The following LTBP1 variants were observed in gnomAD, a reference collection of about 807,000 sequenced individuals.
The protein encoded by LTBP1 is latent-transforming growth factor beta-binding protein 1.
Under a neutral mutation model 207.6 loss-of-function variants are expected in LTBP1, and 129 were observed. The ratio of observed to expected loss-of-function variants is 0.62; its 90% CI spans 0.54 to 0.72. The LOEUF (loss-of-function observed/expected upper bound fraction) is 0.72. LTBP1 is among the 30% of genes least tolerant of loss of function. LTBP1 has a pLI of 0.00. For missense variants in LTBP1, 2,281 were observed against 2,217.2 expected, an observed-to-expected ratio of 1.03 and a Z score of -0.58; for synonymous variants, 963 against 833.7, an observed-to-expected ratio of 1.16 and a Z score of -2.67.
chr2:33,037,320 G>C (rs1329314452), intron 3 of LTBP1, among the ~76,000 whole-genome samples: 1 of 152,212 alleles, frequency 6.6e-6, no homozygotes, highest in African/African-American at 2.4e-5. Context: ...TGCTGCAATT[G>C]TGTAGTAAGT....
At chr2:33,156,553 A>G (rs557503698) in intron 5 of LTBP1, among the ~76,000 whole-genome samples, 1 of 152,326 alleles carries the variant, frequency 6.6e-6, no homozygotes, top group Admixed American at 6.5e-5. Flanking sequence ...TGAGGGTTAA[A>G]TGACAGCATG....
At chr2:33,193,223 C>A (rs1194283383) in intron 7 of LTBP1, among the ~76,000 whole-genome samples, 1 of 152,082 alleles carries the variant, frequency 6.6e-6, no homozygotes, top group Non-Finnish European at 1.5e-5. Flanking sequence ...GACACTGCAA[C>A]CTCTGCCTCC....
chr2:33,081,106 G>T lies in LTBP1; in HGVS notation c.864-29476G>T, dbSNP rs538739663. ...TGGACAAAGGGGGTATGATCTAATA[G>T]TAATATACTGGGGGGAACTTAGCAA... On this transcript the variant is annotated intron_variant, in intron 3 of 33. Transcript: ENST00000404816. 4.5e-5 allele frequency among the ~76,000 whole-genome samples: 6 copies of T among 133,948 alleles called. No individual in the cohort carries two copies. In the South Asian group the frequency reaches 1.4e-3, roughly 31 times the overall value. The allele number at this position is 133,948 out of a possible 152,430, so 87.9% of individuals were successfully genotyped here.
intron 5 of LTBP1, among the ~76,000 whole-genome samples, chr2:33,146,133 G>A (rs879100931): frequency 2.6e-5 from 4 of 152,122 alleles, no homozygotes; most frequent in African/African-American, 7.2e-5. Context: ...CCTAAAAATC[G>A]GGTTGGGATG....
Position 33,188,687 on chromosome 2 carries a change from G to C in LTBP1, c.1537G>C (p.Glu513Gln). 1.2e-6 allele frequency: 2 copies of C among 1,614,098 alleles called. No individual in the cohort carries two copies. The change falls in exon 7 of 34, where the codon GAA (glutamate) becomes CAA (glutamine). Residue 513 changes from glutamate to glutamine, a missense_variant. Around this residue, in one of 3 missense-constraint regions of LTBP1, gnomAD observed 1,671 missense variants for 1,634.8 expected, o/e 1.02. Coordinates refer to ENST00000404816, the MANE Select transcript of LTBP1 (RefSeq NM_206943.4). Reference protein sequence around the residue: ...IDGPTGQKTKEAQPGQSQVSY... With the variant: ...IDGPTGQKTKQAQPGQSQVSY... The stretch of plus-strand genomic sequence containing the variant: ...TGGCCCAACAGGCCAGAAGACAAAA[G>C]AAGCTCAACCAGGCCAATCCCAAGT...
chr2:32,971,424 G>A (rs1411383711), intron 2 of LTBP1, among the ~76,000 whole-genome samples: 1 of 151,986 alleles, frequency 6.6e-6, no homozygotes, highest in Non-Finnish European at 1.5e-5. Flanking sequence ...GTTGGCTGTG[G>A]GTTTGTCGTA....
chr2:33,291,873 T>G (rs952648932), intron 19 of LTBP1: 10 of 152,236 alleles, frequency 6.6e-5, no homozygotes, highest in African/African-American at 2.4e-4. Context: ...GTGACTGCCT[T>G]AAGAGGGTAG....
chr2:33,187,614 T>G (rs1282568367), intron 6 of LTBP1, among the ~76,000 whole-genome samples: 2 of 152,244 alleles, frequency 1.3e-5, no homozygotes, highest in African/African-American at 4.8e-5. Context: ...GGCATTTTTA[T>G]AAATGCACAC....
At chr2:33,316,538 A>G (rs1400263879) in intron 24 of LTBP1, among the ~76,000 whole-genome samples, 1 of 152,210 alleles carries the variant, frequency 6.6e-6, no homozygotes, top group Non-Finnish European at 1.5e-5. Flanking sequence ...GCCAGATTTG[A>G]CTAGAACTGG....
At chr2:33,069,102 C>G (rs1313300571) in intron 3 of LTBP1, among the ~76,000 whole-genome samples, 1 of 152,174 alleles carries the variant, frequency 6.6e-6, no homozygotes, top group Non-Finnish European at 1.5e-5. Flanking sequence ...TACTCTTGTT[C>G]TGAAATTGTG....
intron 26 of LTBP1, among the ~76,000 whole-genome samples, chr2:33,349,462 A>G (rs1476010593): frequency 6.6e-6 from 1 of 151,948 alleles, no homozygotes; most frequent in Non-Finnish European, 1.5e-5. Flanking sequence ...AAAAAAGTAC[A>G]TTCATACACC....
At chr2:33,103,585 A>ATG (rs1558640670) in intron 3 of LTBP1, among the ~76,000 whole-genome samples, 19 of 77,276 alleles carry the variant, frequency 2.5e-4, no homozygotes, top group African/African-American at 7.4e-4. Flanking sequence ...GTCTCCGTTT[A>ATG]CGTGTGTGTG....
chr2:33,110,741 A>G lies in LTBP1; in HGVS notation c.1023A>G (p.Ala341=), dbSNP rs1170873687. The part of the protein sequence containing the change: ...PLRYVQDQVA[A]PFQLSNHTGR... ...GATATGTGCAGGATCAAGTTGCGGCACCTTTTCAGCGTGAGTATAGTCTTA... is the reference window on the plus strand; with the variant it reads ...GATATGTGCAGGATCAAGTTGCGGCGCCTTTTCAGCGTGAGTATAGTCTTA... Residue 341 remains alanine (A), a synonymous_variant, in exon 4 of 34, where the codon GCA becomes GCG. Coordinates refer to ENST00000404816, the MANE Select transcript of LTBP1 (RefSeq NM_206943.4). 1 of 1,613,900 alleles carries G rather than the reference A, an allele frequency of 6.2e-7. No homozygotes were observed. The highest frequency in any genetic ancestry group is 2.2e-5 in the East Asian group (1 of 44,880).
intron 4 of LTBP1, among the ~76,000 whole-genome samples, chr2:33,130,331 A>AT (rs1326197940): frequency 6.6e-6 from 1 of 152,036 alleles, no homozygotes; most frequent in Non-Finnish European, 1.5e-5. Flanking sequence ...GTTGGTCCCC[A>AT]TTGTTTAAGT....
At chr2:33,338,457 TCTC>T (rs1192288909) in intron 24 of LTBP1, among the ~76,000 whole-genome samples, 1 of 152,246 alleles carries the variant, frequency 6.6e-6, no homozygotes, top group East Asian at 1.9e-4. Context: ...ACCTTCTCTT[TCTC>T]CTCCTTAGCT....
At chr2:33,397,947 G>A (rs575826447) in intron 33 of LTBP1, among the ~76,000 whole-genome samples, 2 of 152,268 alleles carry the variant, frequency 1.3e-5, no homozygotes, top group East Asian at 3.9e-4. Context: ...GCCTAAATGG[G>A]TCTCATGTAG....
At chr2:33,199,562 C>T (rs1011191761) in intron 7 of LTBP1, among the ~76,000 whole-genome samples, 3 of 152,112 alleles carry the variant, frequency 2.0e-5, no homozygotes, top group African/African-American at 7.2e-5. Context: ...TGAAAACTGG[C>T]ACAAGACAGG....
At chr2:33,183,755 T>C (rs889742352) in intron 5 of LTBP1, among the ~76,000 whole-genome samples, 1 of 152,134 alleles carries the variant, frequency 6.6e-6, no homozygotes, top group Non-Finnish European at 1.5e-5. Flanking sequence ...GTGCAGAAAA[T>C]CAAATCAGAG....
intron 32 of LTBP1, among the ~76,000 whole-genome samples, chr2:33,393,582 G>C (rs1245409116): frequency 6.6e-6 from 1 of 151,910 alleles, no homozygotes; most frequent in Non-Finnish European, 1.5e-5. Flanking sequence ...GAGAATGATG[G>C]TTTTCAGCTT....
Sources: allele counts gnomAD v4.1 joint callset (sites outside exome capture counted in the v4.1 genomes callset), GRCh38; gene constraint gnomAD v4.1.1; regional missense constraint gnomAD v4.1.1; transcripts MANE v1.5; gene names NCBI Gene and HGNC (gene_info 2026-07-23, HGNC 2026-07-21).